Variants in APOL4 observed in about 807,000 individuals in gnomAD.
The protein encoded by APOL4 is apolipoprotein L4.
APOL4 carries 14 observed loss-of-function variants against 12.1 expected under a neutral mutation model. That is an observed-to-expected ratio of 1.16 (90% CI 0.76 to 1.81). The LOEUF is 1.81. Ranked by LOEUF, APOL4 falls within the 40% of genes most tolerant of loss-of-function variation. The pLI is 0.00. For missense variants in APOL4, 432 were observed against 423.1 expected, an observed-to-expected ratio of 1.02 and a Z score of -0.18; for synonymous variants, 171 against 160.6, an observed-to-expected ratio of 1.06 and a Z score of -0.49.
At chr22:36,204,456 C>A (rs144634797), upstream of APOL4, among the ~76,000 whole-genome samples, 121 of 152,330 alleles carry the variant, frequency 7.9e-4, no homozygotes, top group Middle Eastern at 6.8e-3. Context: ...AGGGAGGGAG[C>A]AATCAGACTC....
intron 3 of APOL4, 70 bp downstream of exon 3, chr22:36,195,241 G>A: frequency 1.3e-6 from 2 of 1,553,936 alleles, no homozygotes; most frequent in Non-Finnish European, 1.7e-6. Context: ...GCCTGCCAGA[G>A]AAAACTAGCC....
In APOL4 at chr22:36,195,329, C is replaced by A; in HGVS notation, c.191G>T (p.Arg64Leu). Residue 64 changes from arginine to leucine, a missense_variant, in exon 3 of 4, where the codon CGT (arginine) becomes CTT (leucine). Transcript: ENST00000683024. ...AGGTTACCTGGGCAATTCAGCCACA[C>A]GCACAAATCTCTTCCAGGCTTCATC... ...TSDEAWKRFV[R>L]VAELPREEAD... 6.2e-7 allele frequency: 1 copy of A among 1,613,924 alleles called. No homozygotes were observed. The highest frequency in any genetic ancestry group is 8.5e-7 in the Non-Finnish European group (1 of 1,179,862).
At chr22:36,202,178 C>CG, upstream of APOL4, 3 of 1,332,566 alleles carry the variant, frequency 2.3e-6, no homozygotes, top group Non-Finnish European at 2.1e-6. Context: ...GCCATCCTAG[C>CG]TCATTGCTGC....
intron 2 of APOL4, among the ~76,000 whole-genome samples, chr22:36,196,955 G>A (rs1318982486): frequency 6.6e-6 from 1 of 152,186 alleles, no homozygotes; most frequent in African/African-American, 2.4e-5. Context: ...TCTCAGATGG[G>A]CAGTGGAGGG....
rs536980405 is a variant in APOL4 at position 36,197,382 on chromosome 22, G to C, written c.83-1945C>G. 199 of 410,528 alleles carry C rather than the reference G, an allele frequency of 4.8e-4. 2 individuals carry two copies. Among genetic ancestry groups the C allele is most frequent in the East Asian group, 4.8e-3 (104 of 21,474 alleles). 25.4% of individuals were successfully genotyped at this position (410,528 alleles called of 1,614,324 possible). ...CGCAGTGCTGACTTGGCTGGGCGAGGGATTGTCTTGTTTTTTCTTTTTCCT... is the reference window on the plus strand; with the variant it reads ...CGCAGTGCTGACTTGGCTGGGCGAGCGATTGTCTTGTTTTTTCTTTTTCCT... On this transcript the variant is annotated intron_variant, in intron 2 of 3. Transcript: ENST00000683024.
upstream of APOL4, among the ~76,000 whole-genome samples, chr22:36,202,295 A>G (rs1437417555): frequency 2.0e-5 from 3 of 152,140 alleles, no homozygotes; most frequent in Non-Finnish European, 4.4e-5. Context: ...TTGATTTCAT[A>G]GAGACAGCAT....
intron 1 of APOL4, among the ~76,000 whole-genome samples, chr22:36,200,688 T>G (rs111906543): frequency 1.8e-3 from 276 of 152,372 alleles, no homozygotes; most frequent in Non-Finnish European, 2.1e-3. Flanking sequence ...TCAGAGGGTA[T>G]CAACATCTCA....
intron 3 of APOL4, among the ~76,000 whole-genome samples, chr22:36,194,769 G>A (rs1265356083): frequency 6.6e-6 from 1 of 152,156 alleles, no homozygotes; most frequent in Non-Finnish European, 1.5e-5. Flanking sequence ...TGTTTGTGCA[G>A]TTCCTCAGAA....
intron 2 of APOL4, chr22:36,197,769 G>A: frequency 1.3e-6 from 2 of 1,550,476 alleles, no homozygotes; most frequent in East Asian, 2.4e-5. Context: ...TCACATAATG[G>A]ACACAGAAGG....
rs1421235014 is a variant in APOL4, at chr22:36,191,870, T to C, written c.252A>G (p.Thr84=). The part of the protein sequence containing the change: ...DALYEALKNL[T]PYVAIEDKDM... ...CTTTGTCCTCAATAGCCACATATGG[T>C]GTAAGATTCTTCAGAGCTTCATAGA... The change falls in exon 4 of 4, where the codon ACA becomes ACG. Residue 84 remains threonine, a synonymous_variant. Coordinates refer to ENST00000683024, the MANE Select transcript of APOL4 (RefSeq NM_001386885.1). 4 of 1,610,834 alleles carry C rather than the reference T, an allele frequency of 2.5e-6. No individual in the cohort carries two copies. Among genetic ancestry groups the C allele is most frequent in the South Asian group, 1.1e-5 (1 of 90,980 alleles).
upstream of APOL4, among the ~76,000 whole-genome samples, chr22:36,203,516 A>G (rs1389265878): frequency 6.6e-6 from 1 of 152,222 alleles, no homozygotes; most frequent in African/African-American, 2.4e-5. Context: ...CAGAGCCTTA[A>G]AACAGAAACA....
rs546518308 is a variant in APOL4 at position 36,193,219 on chromosome 22, T to C, written c.210-1307A>G. On this transcript the variant is annotated intron_variant, in intron 3 of 3. Coordinates refer to ENST00000683024, the MANE Select transcript of APOL4 (RefSeq NM_001386885.1). The stretch of plus-strand genomic sequence containing the variant: ...CTCTGGTGTCTCCTGTCAGTCCTGT[T>C]CCATCTGCCGCCCCTTACCCTGGTG... 2.0e-5 allele frequency among the ~76,000 whole-genome samples: 3 copies of C among 152,316 alleles called. No individual in the cohort carries two copies. The South Asian group carries it at 6.2e-4, about 32-fold the overall frequency.
chr22:36,197,858 G>A, intron 2 of APOL4: 1 of 1,537,152 alleles, frequency 6.5e-7, no homozygotes, highest in Non-Finnish European at 8.8e-7. Flanking sequence ...GGCCAATCTG[G>A]CTAAGACCAG....
chr22:36,201,852 C>A, upstream of APOL4: 1 of 1,575,606 alleles, frequency 6.3e-7, no homozygotes, highest in Non-Finnish European at 8.6e-7. Context: ...CTAGGCGAGT[C>A]TACCAGTTGG....
intron 1 of APOL4, 150 bp downstream of exon 1, chr22:36,201,550 G>C: frequency 1.7e-6 from 2 of 1,192,082 alleles, no homozygotes; most frequent in South Asian, 1.4e-5. Flanking sequence ...GGTGACAGGA[G>C]AGGGGCATCC....
intron 2 of APOL4, among the ~76,000 whole-genome samples, chr22:36,196,636 G>C (rs1202551828): frequency 6.6e-6 from 1 of 152,146 alleles, no homozygotes; most frequent in African/African-American, 2.4e-5. Flanking sequence ...GAAGGGGCTG[G>C]GAACCAGTTT....
intron 2 of APOL4, chr22:36,197,772 A>C (rs1374179339): frequency 1.3e-6 from 2 of 1,550,370 alleles, no homozygotes; most frequent in Admixed American, 2.0e-5. Context: ...CATAATGGAC[A>C]CAGAAGGAGC....
chr22:36,198,081 C>T (rs1292394287), intron 2 of APOL4, among the ~76,000 whole-genome samples: 1 of 152,198 alleles, frequency 6.6e-6, no homozygotes, highest in African/African-American at 2.4e-5. Context: ...AAACCCCAAA[C>T]CCCACTGGGC....
rs192563640 is a variant in APOL4 at position 36,192,105 on chromosome 22, C to T, written c.210-193G>A. Among the ~76,000 whole-genome samples, 531 of 152,296 alleles carry T rather than the reference C, an allele frequency of 3.5e-3. 2 individuals are homozygous for T. Among genetic ancestry groups the T allele is most frequent in the Middle Eastern group, 0.014 (4 of 294 alleles). The stretch of plus-strand genomic sequence containing the variant: ...CTTGTAATCCCAGCACTTTGGGAGG[C>T]CGAGATGGGTGGATCACAAGGTCAG... On this transcript the variant is annotated intron_variant, in intron 3 of 3. Coordinates refer to ENST00000683024, the MANE Select transcript of APOL4 (RefSeq NM_001386885.1).
Sources: allele counts gnomAD v4.1 joint callset (sites outside exome capture counted in the v4.1 genomes callset), GRCh38; gene constraint gnomAD v4.1.1; transcripts MANE v1.5; gene names NCBI Gene and HGNC (gene_info 2026-07-23, HGNC 2026-07-21).